The following RELN variants were observed in gnomAD, a reference collection of about 807,000 sequenced individuals.
RELN encodes reelin.
A neutral mutation model predicts 427.6 loss-of-function variants in RELN; 108 were observed. The ratio of observed to expected loss-of-function variants is 0.25; its 90% CI spans 0.22 to 0.30. RELN has a LOEUF of 0.30. Ranked by LOEUF, RELN falls within the 10% of genes least tolerant of loss-of-function variation. RELN has a pLI of 1.00. For missense variants in RELN, 3,715 were observed against 4,302.8 expected (o/e 0.86, Z 3.82); for synonymous variants, 1,524 against 1,513.4 (o/e 1.01, Z -0.16).
intron 7 of RELN, among the ~76,000 whole-genome samples, 171 bp from the exon 8 acceptor site, chr7:103,723,362 C>T (rs1291846200): frequency 6.6e-6 from 1 of 152,194 alleles, no homozygotes; most frequent in Non-Finnish European, 1.5e-5. Context: ...TGTCTGAACA[C>T]AGACCTGTTT....
At chr7:103,937,972 A>C (rs113823843) in intron 1 of RELN, among the ~76,000 whole-genome samples, 12,485 of 152,202 alleles carry the variant, frequency 0.082, 691 homozygotes, top group Middle Eastern at 0.12. Flanking sequence ...TTTGTGAATG[A>C]ATTTTTTATT....
chr7:103,870,717 T>G (rs1292028975), intron 2 of RELN, among the ~76,000 whole-genome samples: 1 of 152,124 alleles, frequency 6.6e-6, no homozygotes, highest in Non-Finnish European at 1.5e-5. Flanking sequence ...CCTACTCACC[T>G]TCTAGTATCT....
rs1430311689 is a variant in RELN, at chr7:103,498,147, T to C, written c.8773A>G (p.Thr2925Ala). Residue 2925 changes from threonine to alanine, a missense_variant, in exon 54 of 65, where the codon ACT becomes GCT. By Grantham distance (58) the Thr-to-Ala change is moderately conservative. Transcript: ENST00000428762. ...CTECGILAED[T>A]ALYFGGSTVR... ...GTGGATCCCCCAAAATAGAGTGCAG[T>C]GTCCTCGGCAAGAATTCCACACTCA... 4 of 1,614,028 alleles carry C rather than the reference T, an allele frequency of 2.5e-6. No homozygotes were observed. Among genetic ancestry groups the C allele is most frequent in the Non-Finnish European group, 3.4e-6 (4 of 1,180,000 alleles).
chr7:103,821,734 G>C (rs74459882), intron 3 of RELN, among the ~76,000 whole-genome samples: 1 of 152,060 alleles, frequency 6.6e-6, no homozygotes, highest in Non-Finnish European at 1.5e-5. Flanking sequence ...TTAAAACCAG[G>C]GGTTGATTAA....
At chr7:103,642,609 A>G (rs1832717178) in intron 16 of RELN, among the ~76,000 whole-genome samples, 1 of 152,106 alleles carries the variant, frequency 6.6e-6, no homozygotes, top group Non-Finnish European at 1.5e-5. Context: ...AACTCAGAGG[A>G]TGTGTAGTGA....
intron 38 of RELN, among the ~76,000 whole-genome samples, chr7:103,554,646 A>G (rs540120304): frequency 6.6e-6 from 1 of 152,122 alleles, no homozygotes; most frequent in African/African-American, 2.4e-5. Context: ...CTGCCTTGCT[A>G]ATTTCAGAAA....
chr7:103,607,163 GCA>G (rs1421605104), intron 22 of RELN, among the ~76,000 whole-genome samples: 9 of 151,794 alleles, frequency 5.9e-5, no homozygotes, highest in Non-Finnish European at 1.3e-4. Context: ...GTTAATGGGT[GCA>G]GCACACCAAC....
At chr7:103,739,596 G>A (rs1220927897) in intron 6 of RELN, among the ~76,000 whole-genome samples, 2 of 152,210 alleles carry the variant, frequency 1.3e-5, no homozygotes, top group South Asian at 4.1e-4. Flanking sequence ...GTGGTCCAGG[G>A]TAAAGTGCAG....
intron 7 of RELN, among the ~76,000 whole-genome samples, chr7:103,726,863 C>T (rs757882277): frequency 1.3e-5 from 2 of 152,114 alleles, no homozygotes; most frequent in African/African-American, 2.4e-5. Context: ...CCACCAGAGT[C>T]ATACTTGTCT....
intron 11 of RELN, among the ~76,000 whole-genome samples, chr7:103,677,442 A>ATAC (rs1478543179): frequency 6.9e-6 from 1 of 144,024 alleles, no homozygotes; most frequent in African/African-American, 2.6e-5. Context: ...AATAATAATA[A>ATAC]TAATAATAAT....
At chr7:103,949,473 G>C (rs1260108194) in intron 1 of RELN, among the ~76,000 whole-genome samples, 1 of 152,004 alleles carries the variant, frequency 6.6e-6, no homozygotes. Context: ...GAGCCCTCAC[G>C]AACGCGATTA....
At chr7:103,959,649 C>T (rs1377954074) in intron 1 of RELN, among the ~76,000 whole-genome samples, 1 of 152,114 alleles carries the variant, frequency 6.6e-6, no homozygotes, top group Non-Finnish European at 1.5e-5. Context: ...CTCGTTCCAT[C>T]ATCCAGGCTG....
intron 2 of RELN, among the ~76,000 whole-genome samples, chr7:103,856,569 CAAAA>C (rs34695080): frequency 2.5e-5 from 2 of 80,382 alleles, no homozygotes; most frequent in Admixed American, 1.4e-4. Flanking sequence ...AACTCCACCT[CAAAA>C]AAAAAAAAAA....
chr7:103,627,380 T>C (rs371951787), intron 20 of RELN, among the ~76,000 whole-genome samples: 4 of 152,108 alleles, frequency 2.6e-5, no homozygotes, highest in Admixed American at 2.6e-4. Context: ...CAAGTATTTC[T>C]GAAAAACATC....
intron 20 of RELN, among the ~76,000 whole-genome samples, chr7:103,615,473 C>T (rs1832058994): frequency 6.6e-6 from 1 of 152,144 alleles, no homozygotes; most frequent in African/African-American, 2.4e-5. Flanking sequence ...TCTCTGCATC[C>T]CCTAAAGCCC....
At chr7:103,597,786 G>A (rs1266244607) in intron 24 of RELN, among the ~76,000 whole-genome samples, 1 of 152,140 alleles carries the variant, frequency 6.6e-6, no homozygotes, top group Non-Finnish European at 1.5e-5. Flanking sequence ...TTTGCTTAGT[G>A]AGTCCCCTGC....
chr7:103,961,994 A>G (rs959824055), intron 1 of RELN, among the ~76,000 whole-genome samples: 2 of 152,146 alleles, frequency 1.3e-5, no homozygotes, highest in Admixed American at 6.5e-5. Context: ...TGAGGGGTGG[A>G]GAAGCCTTCT....
At chr7:103,665,919 A>G (rs905190785) in intron 11 of RELN, among the ~76,000 whole-genome samples, 6 of 151,266 alleles carry the variant, frequency 4.0e-5, no homozygotes, top group Admixed American at 1.3e-4. Context: ...ATATTGCATT[A>G]TGTGTTTTTT....
At chr7:103,775,452 T>C (rs904296646) in intron 4 of RELN, among the ~76,000 whole-genome samples, 2 of 152,228 alleles carry the variant, frequency 1.3e-5, no homozygotes, top group Non-Finnish European at 2.9e-5. Context: ...TTGTGATCTA[T>C]ATAACTAATA....
Sources: allele counts gnomAD v4.1 joint callset (sites outside exome capture counted in the v4.1 genomes callset), GRCh38; gene constraint gnomAD v4.1.1; transcripts MANE v1.5; gene names NCBI Gene and HGNC (gene_info 2026-07-23, HGNC 2026-07-21).